Variants in STMP1 observed in about 807,000 individuals in gnomAD.
STMP1 encodes the protein mitolamban.
In STMP1, 7 loss-of-function variants were observed where a neutral mutation model predicts 7.0. The ratio of observed to expected loss-of-function variants is 1.01; its 90% CI spans 0.57 to 1.89. The LOEUF is 1.89. Among genes scored for constraint, STMP1 ranks in the 40% most tolerant of loss-of-function variants. STMP1 has a pLI of 0.00. For missense variants in STMP1, 45 were observed against 53.0 expected, an observed-to-expected ratio of 0.85 and a Z score of 0.47; for synonymous variants, 19 against 18.4, an observed-to-expected ratio of 1.03 and a Z score of -0.08.
At chr7:135,673,730 G>A (rs1252349027) in intron 2 of STMP1, among the ~76,000 whole-genome samples, 2 of 152,214 alleles carry the variant, frequency 1.3e-5, no homozygotes, top group Non-Finnish European at 2.9e-5. Flanking sequence ...CTCAAGCTCA[G>A]GAGTTCGAGA....
At chr7:135,672,727 T>A (rs568881832) in intron 1 of STMP1, 26 bp from the exon 2 acceptor site, 1 of 1,537,192 alleles carries the variant, frequency 6.5e-7, no homozygotes, top group African/African-American at 1.4e-5. Flanking sequence ...GCATGCACTA[T>A]AACTCTTACT....
intron 1 of STMP1, among the ~76,000 whole-genome samples, chr7:135,669,002 T>C (rs1795328740): frequency 6.6e-6 from 1 of 152,186 alleles, no homozygotes; most frequent in East Asian, 1.9e-4. Flanking sequence ...GAGGCCTCAA[T>C]CATGGCAGAA....
chr7:135,675,777 T>C lies in STMP1; in HGVS notation c.*1612T>C, dbSNP rs911162915. The C allele has an allele frequency of 6.6e-6, 1 of 152,220 alleles. No homozygotes were observed. Among genetic ancestry groups the C allele is most frequent in the African/African-American group, 2.4e-5 (1 of 41,450 alleles). 9.4% of individuals were successfully genotyped at this position (152,220 alleles called of 1,614,324 possible). A position where few individuals can be genotyped will look rare whatever the true frequency, so the allele number is the denominator to read the frequency against. On this transcript the variant is annotated 3_prime_UTR_variant, in exon 3 of 3. Transcript: ENST00000507606. ...GTGATGACATTGATTCTGTATATGA[T>C]AAAGTGATTCTGCTTCTCTTTGACA...
At position 135,675,362 on chromosome 7, in the gene STMP1, TTTTTTTTTC is replaced by T. The variant is rs1795401437; in HGVS notation, c.*1205_*1213del. 7.2e-6 allele frequency: 1 copy of T among 139,586 alleles called. No individual in the cohort carries two copies. Among genetic ancestry groups the T allele is most frequent in the Non-Finnish European group, 1.6e-5 (1 of 64,198 alleles). 8.6% of individuals were successfully genotyped at this position (139,586 alleles called of 1,614,324 possible). ...ATACATGGAGGTCTAGCCCTCGCCT[TTTTTTTTTC>T]TTTTTTTCTTTTTTAATGGAGATCA... On this transcript the variant is annotated 3_prime_UTR_variant, in exon 3 of 3. Coordinates refer to ENST00000507606, the MANE Select transcript of STMP1 (RefSeq NM_001130929.2).
intron 1 of STMP1, among the ~76,000 whole-genome samples, chr7:135,666,820 G>C (rs185700405): frequency 2.6e-5 from 4 of 152,182 alleles, no homozygotes; most frequent in Admixed American, 2.0e-4. Context: ...GAGTAATCCT[G>C]CTAGGAATAT....
At chr7:135,663,039 A>G (rs1328678845) in intron 1 of STMP1, among the ~76,000 whole-genome samples, 1 of 152,240 alleles carries the variant, frequency 6.6e-6, no homozygotes, top group Non-Finnish European at 1.5e-5. Context: ...AAGGCCAGGA[A>G]TAAACCGTAA....
At chr7:135,672,254 A>G (rs1291156064) in intron 1 of STMP1, among the ~76,000 whole-genome samples, 1 of 152,214 alleles carries the variant, frequency 6.6e-6, no homozygotes, top group African/African-American at 2.4e-5. Flanking sequence ...GCTGGGATAT[A>G]GGCGTGAGCC....
chr7:135,672,800 C>T lies in STMP1; in HGVS notation c.63C>T (p.Asn21=). The change falls in exon 2 of 3, where the codon AAC becomes AAT. Residue 21 remains asparagine, a synonymous_variant. Coordinates refer to ENST00000507606, the MANE Select transcript of STMP1 (RefSeq NM_001130929.2). ...TGGTTGGAATGTATCTGGCTCAGAA[C>T]TATGATGTAAGTGGCCATATCCATG... The part of the protein sequence containing the change: ...GNVVGMYLAQ[N]YDIPNLAKKL... 6.4e-7 allele frequency: 1 copy of T among 1,551,344 alleles called. No individual in the cohort carries two copies. The highest frequency in any genetic ancestry group is 1.2e-5 in the South Asian group (1 of 84,060).
At chr7:135,670,813 A>T (rs1012773146) in intron 1 of STMP1, among the ~76,000 whole-genome samples, 3 of 152,230 alleles carry the variant, frequency 2.0e-5, no homozygotes, top group African/African-American at 7.2e-5. Context: ...AGAACTAGGA[A>T]TCTTAGCATG....
chr7:135,669,227 A>G (rs1172018984), intron 1 of STMP1, among the ~76,000 whole-genome samples: 1 of 152,270 alleles, frequency 6.6e-6, no homozygotes, highest in Admixed American at 6.5e-5. Flanking sequence ...GTGGGAACAC[A>G]GCCAAACCGT....
chr7:135,673,084 T>C (rs1206266629), intron 2 of STMP1: 2 of 427,828 alleles, frequency 4.7e-6, no homozygotes, highest in Admixed American at 4.0e-5. Context: ...TAATATTAAG[T>C]TGGGCTCTTA....
At chr7:135,663,490 G>A (rs2129493129) in intron 1 of STMP1, among the ~76,000 whole-genome samples, 1 of 151,884 alleles carries the variant, frequency 6.6e-6, no homozygotes, top group Non-Finnish European at 1.5e-5. Context: ...GATTACAGGC[G>A]CGCACCAGGA....
intron 1 of STMP1, among the ~76,000 whole-genome samples, chr7:135,667,844 A>G (rs1259401540): frequency 3.9e-5 from 6 of 152,048 alleles, no homozygotes; most frequent in African/African-American, 1.4e-4. Flanking sequence ...GTCATATCTA[A>G]GAAAACTATT....
chr7:135,674,219 C>G lies in STMP1; in HGVS notation c.*54C>G. The stretch of plus-strand genomic sequence containing the variant: ...TACTGATTCTACTGCTCTTGAGGGC[C>G]TCGTTTACTATCTGAACCAAAAGCT... On this transcript the variant is annotated 3_prime_UTR_variant, in exon 3 of 3. Transcript: ENST00000507606. The G allele has an allele frequency of 3.1e-6, 4 of 1,308,774 alleles. No individual in the cohort carries two copies. Among genetic ancestry groups the G allele is most frequent in the Non-Finnish European group, 4.2e-6 (4 of 951,764 alleles). 81.1% of individuals were successfully genotyped at this position (1,308,774 alleles called of 1,614,324 possible).
rs1176126860 is a variant in STMP1, at chr7:135,662,549, T to A, written c.-31T>A. 1 of 1,546,126 alleles carries A rather than the reference T, an allele frequency of 6.5e-7. No individual in the cohort carries two copies. Among genetic ancestry groups the A allele is most frequent in the Non-Finnish European group, 8.7e-7 (1 of 1,145,030 alleles). ...CGGCCCGCGGAGCTGCTGCAGTCCT[T>A]CGCGCCCTCCTCGCCCTCCCCACCG... On this transcript the variant is annotated 5_prime_UTR_variant, in exon 1 of 3. Coordinates refer to ENST00000507606, the MANE Select transcript of STMP1 (RefSeq NM_001130929.2).
At chr7:135,664,296 T>C (rs1165963967) in intron 1 of STMP1, among the ~76,000 whole-genome samples, 1 of 152,176 alleles carries the variant, frequency 6.6e-6, no homozygotes, top group Non-Finnish European at 1.5e-5. Flanking sequence ...TAAGTGGTTT[T>C]GCAGAATGAG....
intron 1 of STMP1, among the ~76,000 whole-genome samples, chr7:135,671,010 A>T (rs891384980): frequency 3.7e-4 from 57 of 152,124 alleles, no homozygotes; most frequent in African/African-American, 1.1e-3. Context: ...TAGAGCTAAT[A>T]CTTTCATTTG....
At chr7:135,668,100 G>A (rs1384742118) in intron 1 of STMP1, among the ~76,000 whole-genome samples, 6 of 152,082 alleles carry the variant, frequency 3.9e-5, no homozygotes, top group African/African-American at 1.5e-4. Context: ...TGGCACTCTT[G>A]TTGAAAATCA....
At chr7:135,662,941 C>G (rs1038097553) in intron 1 of STMP1, among the ~76,000 whole-genome samples, 2 of 152,224 alleles carry the variant, frequency 1.3e-5, no homozygotes, top group African/African-American at 4.8e-5. Context: ...GTCCGCCCCC[C>G]TTTCTTTCTG....
Sources: allele counts gnomAD v4.1 joint callset (sites outside exome capture counted in the v4.1 genomes callset), GRCh38; gene constraint gnomAD v4.1.1; transcripts MANE v1.5; gene names NCBI Gene and HGNC (gene_info 2026-07-23, HGNC 2026-07-21).